The following SLC25A36 variants were observed in gnomAD, a reference collection of about 807,000 sequenced individuals.
SLC25A36 encodes the protein epididymis secretory sperm binding protein.
In SLC25A36, 24 loss-of-function variants were observed where a neutral mutation model predicts 35.3. The observed-to-expected ratio is 0.68, with a 90% CI of 0.49 to 0.96. The LOEUF is 0.96. Among genes scored for constraint, SLC25A36 ranks in the 40% least tolerant of loss-of-function variants. The pLI is 0.00. For missense variants in SLC25A36, 294 were observed against 381.1 expected (o/e 0.77, Z 1.90); for synonymous variants, 141 against 132.2 (o/e 1.07, Z -0.46).
chr3:140,964,781 A>G (rs1160535029), intron 4 of SLC25A36: 1 of 151,890 alleles, frequency 6.6e-6, no homozygotes. Context: ...GATATTTGTT[A>G]TATCAGTATA....
At position 140,956,593 on chromosome 3, in the gene SLC25A36, A is replaced by C. The variant is rs762476601; in HGVS notation, c.108A>C (p.Ser36=). 1 of 1,613,044 alleles carries C rather than the reference A, an allele frequency of 6.2e-7. No homozygotes were observed. The highest frequency in any genetic ancestry group is 1.1e-5 in the South Asian group (1 of 91,050). Residue 36 remains serine, a synonymous_variant, in exon 2 of 7, where the codon TCA becomes TCC. Transcript: ENST00000324194. ...PLEVVKTRLQ[S]SSVTLYISEV... ...AAGTTGTAAAAACACGACTGCAGTC[A>C]TCTTCTGTGACGCTTTATATTTCTG... is the stretch of plus-strand genomic sequence containing the variant.
chr3:140,954,229 G>T (rs1934417067), intron 1 of SLC25A36, among the ~76,000 whole-genome samples: 1 of 152,208 alleles, frequency 6.6e-6, no homozygotes, highest in African/African-American at 2.4e-5. Flanking sequence ...TACCCAGGTG[G>T]TGGCTTTTTA....
intron 3 of SLC25A36, among the ~76,000 whole-genome samples, chr3:140,961,331 GT>G (rs1934620348): frequency 6.6e-6 from 1 of 151,832 alleles, no homozygotes; most frequent in Non-Finnish European, 1.5e-5. Flanking sequence ...TCTAACTGAA[GT>G]TTTTCCATGA....
intron 4 of SLC25A36, chr3:140,968,192 G>T (rs1270655510): frequency 1.1e-6 from 1 of 939,910 alleles, no homozygotes; most frequent in African/African-American, 1.8e-5. Context: ...GCCTAGTAAT[G>T]TCTATTTAGT....
At position 140,976,666 on chromosome 3, in the gene SLC25A36, G is replaced by A; in HGVS notation, c.*213G>A. The stretch of plus-strand genomic sequence containing the variant: ...AAAAAAAAAACCTCAGAGCCTCCAA[G>A]GAAATGCCTTTAGAAGCACTCCTCT... On this transcript the variant is annotated 3_prime_UTR_variant, in exon 7 of 7. Transcript: ENST00000324194. The A allele has an allele frequency of 2.7e-6, 1 of 366,606 alleles. No homozygotes were observed. The highest frequency in any genetic ancestry group is 4.8e-6 in the Non-Finnish European group (1 of 207,614). The allele number at this position is 366,606 out of a possible 1,614,324, so 22.7% of individuals were successfully genotyped here.
rs1042345662 is a variant in SLC25A36, at chr3:140,941,965, C to T, written c.-90C>T. The stretch of plus-strand genomic sequence containing the variant: ...TCCTCGCCGTCCCCGGGGCGCTGTG[C>T]GTCTCCAGTCCGGGACCGAAGCCGC... On this transcript the variant is annotated 5_prime_UTR_variant, in exon 1 of 7. Transcript: ENST00000324194. The T allele has an allele frequency of 2.5e-5, 18 of 710,206 alleles. No homozygotes were observed. The Middle Eastern group carries it at 1.2e-3, about 47-fold the overall frequency. The allele number at this position is 710,206 out of a possible 1,614,324, so 44.0% of individuals were successfully genotyped here. A position where few individuals can be genotyped will look rare whatever the true frequency, so the allele number is the denominator to read the frequency against.
At position 140,979,951 on chromosome 3, in the gene SLC25A36, C is replaced by G. The variant is rs1454584778; in HGVS notation, c.*3498C>G. On this transcript the variant is annotated 3_prime_UTR_variant, in exon 7 of 7. Coordinates refer to ENST00000324194, the MANE Select transcript of SLC25A36 (RefSeq NM_001104647.3). The stretch of plus-strand genomic sequence containing the variant: ...TACGCTCATGAAAATATGGCTTTTT[C>G]TGTAATATATCAACATTTTATTGAG... The G allele has an allele frequency of 1.3e-5, 2 of 152,068 alleles. No individual in the cohort carries two copies. Among genetic ancestry groups the G allele is most frequent in the African/African-American group, 2.4e-5 (1 of 41,398 alleles). 9.4% of individuals were successfully genotyped at this position (152,068 alleles called of 1,614,324 possible).
chr3:140,944,831 A>C (rs1306377730), intron 1 of SLC25A36, among the ~76,000 whole-genome samples: 1 of 152,178 alleles, frequency 6.6e-6, no homozygotes, highest in Non-Finnish European at 1.5e-5. Context: ...TCAGTAGGAA[A>C]TTCCCATTTG....
rs1339251832 is a variant in SLC25A36 at position 140,976,585 on chromosome 3, G to C, written c.*132G>C. The stretch of plus-strand genomic sequence containing the variant: ...TGTAACTATTCTAAGTGGAAGTTTT[G>C]TTGTAGGAATTATAGTAATCACACC... On this transcript the variant is annotated 3_prime_UTR_variant, in exon 7 of 7. Transcript: ENST00000324194. 3 of 621,750 alleles carry C rather than the reference G, an allele frequency of 4.8e-6. No homozygotes were observed. Among genetic ancestry groups the C allele is most frequent in the Non-Finnish European group, 7.3e-6 (3 of 408,508 alleles). 38.5% of individuals were successfully genotyped at this position (621,750 alleles called of 1,614,324 possible).
intron 4 of SLC25A36, chr3:140,968,218 T>G: frequency 2.1e-6 from 2 of 953,432 alleles, no homozygotes; most frequent in Non-Finnish European, 2.5e-6. Context: ...AAAGTGTCTT[T>G]GGTTAGGAGA....
chr3:140,953,690 T>G (rs1212864046), intron 1 of SLC25A36, among the ~76,000 whole-genome samples: 3 of 152,170 alleles, frequency 2.0e-5, no homozygotes, highest in Non-Finnish European at 2.9e-5. Context: ...GGCCTAGTGG[T>G]TCATGCTTAT....
rs534751805 is a variant in SLC25A36 at position 140,943,574 on chromosome 3, C to T, written c.41+1479C>T. ...AGATCTCATGCAAATAATTGAGCTC[C>T]CTCTTGTAATTAGATCTATAACCCT... On this transcript the variant is annotated intron_variant, in intron 1 of 6. Transcript: ENST00000324194. Among the ~76,000 whole-genome samples the T allele has an allele frequency of 7.9e-5, 12 of 152,200 alleles. No homozygotes were observed. In the East Asian group the frequency reaches 2.1e-3, roughly 27 times the overall value.
intron 1 of SLC25A36, 27 bp from the exon 2 acceptor site, chr3:140,956,500 T>C (rs760975276): frequency 2.6e-6 from 4 of 1,548,900 alleles, no homozygotes; most frequent in South Asian, 1.3e-5. Context: ...GTAGATAAGC[T>C]GTGTTCTTTT....
chr3:140,968,715 A>G lies in SLC25A36; in HGVS notation c.386-2212A>G, dbSNP rs985753481. On this transcript the variant is annotated intron_variant, in intron 4 of 6. Transcript: ENST00000324194. ...TTCTTTTGTGACTTGGAAGAGTATTATGGACAGAAGCTTGGGTACTGCTTA... is the reference window on the plus strand; with the variant it reads ...TTCTTTTGTGACTTGGAAGAGTATTGTGGACAGAAGCTTGGGTACTGCTTA... 26 of 983,638 alleles carry G rather than the reference A, an allele frequency of 2.6e-5. No individual in the cohort carries two copies. The African/African-American group carries it at 4.2e-4, about 16-fold the overall frequency. 60.9% of individuals were successfully genotyped at this position (983,638 alleles called of 1,614,324 possible).
At chr3:140,970,193 A>G (rs1934865499) in intron 4 of SLC25A36, among the ~76,000 whole-genome samples, 1 of 151,946 alleles carries the variant, frequency 6.6e-6, no homozygotes, top group Admixed American at 6.6e-5. Context: ...CTAGTACATA[A>G]TACTTTAGTT....
rs1204374512 is a variant in SLC25A36, at chr3:140,941,988, C to T, written c.-67C>T. 8.1e-6 allele frequency: 7 copies of T among 865,362 alleles called. No individual in the cohort carries two copies. Among genetic ancestry groups the T allele is most frequent in the Non-Finnish European group, 1.1e-5 (6 of 538,962 alleles). The allele number at this position is 865,362 out of a possible 1,614,324, so 53.6% of individuals were successfully genotyped here. ...TGCGTCTCCAGTCCGGGACCGAAGC[C>T]GCCTGCCGTAGCGGGCGGCCAGATC... On this transcript the variant is annotated 5_prime_UTR_variant, in exon 1 of 7. Transcript: ENST00000324194.
chr3:140,971,695 A>G (rs149634582), intron 5 of SLC25A36, among the ~76,000 whole-genome samples: 72 of 152,310 alleles, frequency 4.7e-4, no homozygotes, highest in African/African-American at 1.6e-3. Context: ...AGTGCTGCGT[A>G]GGGTCTTGCC....
At chr3:140,953,054 T>G (rs926010110) in intron 1 of SLC25A36, among the ~76,000 whole-genome samples, 4 of 152,178 alleles carry the variant, frequency 2.6e-5, no homozygotes, top group Non-Finnish European at 5.9e-5. Context: ...TAGATCACTG[T>G]TATAGTGTGA....
In SLC25A36 at chr3:140,976,456, G is replaced by T. The variant is rs767365478; in HGVS notation, c.*3G>T. Reference sequence around the variant, plus strand: ...TGGTTTACCTACTCAATGGATAGCAGCACGAGGACTGCTGTACTGCAAAAA... The same window carrying T: ...TGGTTTACCTACTCAATGGATAGCATCACGAGGACTGCTGTACTGCAAAAA... On this transcript the variant is annotated 3_prime_UTR_variant, in exon 7 of 7. Transcript: ENST00000324194. The T allele has an allele frequency of 6.2e-7, 1 of 1,608,564 alleles. No homozygotes were observed. The highest frequency in any genetic ancestry group is 8.5e-7 in the Non-Finnish European group (1 of 1,177,936).
Sources: allele counts gnomAD v4.1 joint callset (sites outside exome capture counted in the v4.1 genomes callset), GRCh38; gene constraint gnomAD v4.1.1; transcripts MANE v1.5; gene names NCBI Gene and HGNC (gene_info 2026-07-23, HGNC 2026-07-21).